ATG16L2: variants seen among roughly 807,000 people sequenced by gnomAD.
The protein encoded by ATG16L2 is protein Atg16l2.
Under a neutral mutation model 84.7 loss-of-function variants are expected in ATG16L2, and 77 were observed. That is an observed-to-expected ratio of 0.91 (90% CI 0.76 to 1.10). The LOEUF (loss-of-function observed/expected upper bound fraction) is 1.10. ATG16L2 is among the 50% of genes least tolerant of loss of function. The pLI is 0.00. For missense variants in ATG16L2, 782 were observed against 817.6 expected, an observed-to-expected ratio of 0.96 and a Z score of 0.53; for synonymous variants, 361 against 342.8, an observed-to-expected ratio of 1.05 and a Z score of -0.59.
At chr11:72,839,824 G>A (rs891440951) in intron 5 of ATG16L2, among the ~76,000 whole-genome samples, 6 of 152,156 alleles carry the variant, frequency 3.9e-5, no homozygotes, top group Non-Finnish European at 7.3e-5. Context: ...GCATATAAAT[G>A]GTTATCATAG....
intron 1 of ATG16L2, chr11:72,816,480 C>T (rs911773103): frequency 1.1e-5 from 5 of 476,086 alleles, no homozygotes; most frequent in Non-Finnish European, 1.9e-5. Flanking sequence ...ATCCTTCTGT[C>T]CCTGGGAGAG....
chr11:72,821,584 C>T (rs927130423), intron 3 of ATG16L2, 84 bp from the exon 4 acceptor site: 32 of 1,495,326 alleles, frequency 2.1e-5, no homozygotes, highest in Non-Finnish European at 2.7e-5. Context: ...GGTGAGCAGC[C>T]GACTCCCTTA....
rs771040611 is a variant in ATG16L2 at position 72,823,770 on chromosome 11, C to G, written c.825-290C>G. 31 of 537,534 alleles carry G rather than the reference C, an allele frequency of 5.8e-5. 1 individual carries two copies. The highest frequency in any genetic ancestry group is 9.3e-5 in the Non-Finnish European group (26 of 280,212). 33.3% of individuals were successfully genotyped at this position (537,534 alleles called of 1,614,324 possible). On this transcript the variant is annotated intron_variant, in intron 7 of 17. Transcript: ENST00000321297. ...CAGCGTCTCTCCTCCCTGTAGGCCC[C>G]GGCTCAGCTTCCCAGGAACTTTTGT...
chr11:72,838,563 G>A, intron 5 of ATG16L2: 1 of 566,914 alleles, frequency 1.8e-6, no homozygotes, highest in South Asian at 2.1e-5. Context: ...GGTCCGCTAG[G>A]ATTTGTGCTA....
intron 5 of ATG16L2, chr11:72,837,463 A>AG (rs1486336930): frequency 4.0e-5 from 6 of 149,746 alleles, no homozygotes; most frequent in Non-Finnish European, 6.0e-5. Flanking sequence ...TTCTTAACCA[A>AG]GGAAAAAAAA....
intron 3 of ATG16L2, chr11:72,821,276 G>A (rs980049959): frequency 3.9e-6 from 4 of 1,019,894 alleles, no homozygotes; most frequent in African/African-American, 1.7e-5. Flanking sequence ...CATGGCGCCC[G>A]AGGGCCGGAT....
intron 5 of ATG16L2, among the ~76,000 whole-genome samples, chr11:72,835,747 ATTTTT>A (rs112275640): frequency 7.2e-6 from 1 of 139,494 alleles, no homozygotes. Flanking sequence ...ACTGGAACAT[ATTTTT>A]TTTTTTTTTT....
chr11:72,816,635 C>T (rs377297513), intron 1 of ATG16L2, 93 bp from the exon 2 acceptor site: 2 of 1,020,738 alleles, frequency 2.0e-6, no homozygotes, highest in African/African-American at 3.2e-5. Flanking sequence ...CATCTCTGGG[C>T]TCCTTCAGCC....
intron 7 of ATG16L2, 141 bp downstream of exon 7, chr11:72,823,102 G>T: frequency 1.6e-6 from 1 of 620,016 alleles, no homozygotes. Flanking sequence ...GATCTCCCAG[G>T]GCTAGTCTGA....
chr11:72,828,919 T>C lies in ATG16L2; in HGVS notation c.1707T>C (p.Asp569=), dbSNP rs775905348. The change falls in exon 17 of 18, where the codon GAT becomes GAC. Residue 569 remains aspartate, a synonymous_variant. Transcript: ENST00000321297. ...DRSYALAGSC[D]GALYIWDVDT... Reference sequence around the variant, plus strand: ...GCTATGCACTGGCAGGCTCCTGTGATGGGGCCCTTTACATCTGGGATGTGG... The same window carrying C: ...GCTATGCACTGGCAGGCTCCTGTGACGGGGCCCTTTACATCTGGGATGTGG... The C allele has an allele frequency of 3.1e-6, 5 of 1,614,206 alleles. No homozygotes were observed. In the Admixed American group the frequency reaches 6.7e-5, roughly 22 times the overall value.
chr11:72,832,917 G>A (rs962327245), downstream of ATG16L2, among the ~76,000 whole-genome samples: 1 of 152,218 alleles, frequency 6.6e-6, no homozygotes, highest in Non-Finnish European at 1.5e-5. Context: ...CCCCACCTGT[G>A]AAACTTCCTG....
intron 5 of ATG16L2, chr11:72,838,502 T>C (rs1591324791): frequency 2.2e-6 from 1 of 463,008 alleles, no homozygotes; most frequent in East Asian, 4.0e-5. Flanking sequence ...GAGTCTCATA[T>C]AAAAACAGAC....
At chr11:72,831,187 C>T (rs1157630877), downstream of ATG16L2, among the ~76,000 whole-genome samples, 1 of 152,210 alleles carries the variant, frequency 6.6e-6, no homozygotes, top group Non-Finnish European at 1.5e-5. Flanking sequence ...GAGAATGACT[C>T]AGGAAATGTT....
intron 14 of ATG16L2, among the ~76,000 whole-genome samples, chr11:72,827,953 A>G (rs1860458791): frequency 6.6e-6 from 1 of 152,016 alleles, no homozygotes; most frequent in African/African-American, 2.4e-5. Context: ...AACCAAAACC[A>G]AAAACAAAAC....
At chr11:72,827,950 AC>A (rs1398785853) in intron 14 of ATG16L2, among the ~76,000 whole-genome samples, 1 of 152,040 alleles carries the variant, frequency 6.6e-6, no homozygotes, top group African/African-American at 2.4e-5. Flanking sequence ...CAAAACCAAA[AC>A]CAAAAACAAA....
At chr11:72,836,308 A>G (rs1255243755) in intron 5 of ATG16L2, among the ~76,000 whole-genome samples, 1 of 152,034 alleles carries the variant, frequency 6.6e-6, no homozygotes, top group Non-Finnish European at 1.5e-5. Context: ...CTTAGGGTGG[A>G]GGTTTAGGAA....
chr11:72,822,963 TGAG>T lies in ATG16L2; in HGVS notation c.824+5_824+7del, dbSNP rs1432919597. 1 of 1,556,696 alleles carries T rather than the reference TGAG, an allele frequency of 6.4e-7. No individual in the cohort carries two copies. Among genetic ancestry groups the T allele is most frequent in the African/African-American group, 1.4e-5 (1 of 73,580 alleles). ...TGAGAAGTGGAAGAGGCCCTTCAGG[TGAG>T]GACCCAGGTGACAGTCTCAGAGCTC... On this transcript the variant is annotated splice_donor_5th_base_variant and intron_variant, in intron 7 of 17. Coordinates refer to ENST00000321297, the MANE Select transcript of ATG16L2 (RefSeq NM_033388.2). The surrounding 1 kb of genome is among the most constrained non-coding windows in gnomAD (Gnocchi z 4.2).
intron 5 of ATG16L2, chr11:72,841,691 T>G: frequency 8.5e-7 from 1 of 1,181,858 alleles, no homozygotes; most frequent in East Asian, 2.7e-5. Flanking sequence ...GCTAAGCTGA[T>G]TGTTGAAACT....
At chr11:72,835,367 T>C (rs1459991821) in intron 5 of ATG16L2, among the ~76,000 whole-genome samples, 1 of 152,020 alleles carries the variant, frequency 6.6e-6, no homozygotes, top group Non-Finnish European at 1.5e-5. Flanking sequence ...GGAAGGACAC[T>C]GAGAAGAGGC....
Sources: gnomAD v4.1 joint callset for allele counts (sites outside exome capture counted in the v4.1 genomes callset) on GRCh38, gnomAD v4.1.1 for gene constraint, Gnocchi (gnomAD v3.1) non-coding constraint, MANE v1.5 for transcripts, NCBI Gene and HGNC (gene_info 2026-07-23, HGNC 2026-07-21) for gene names.